Variants in SIMC1 observed in about 807,000 individuals in gnomAD.
SIMC1 encodes SUMO-interacting motif-containing protein 1.
A neutral mutation model predicts 82.3 loss-of-function variants in SIMC1; 55 were observed. That is an observed-to-expected ratio of 0.67 (90% CI 0.54 to 0.84). SIMC1 has a LOEUF of 0.84. SIMC1 is among the 40% of genes least tolerant of loss of function. The pLI is 0.00. For synonymous variants in SIMC1, 353 were observed against 426.3 expected (o/e 0.83, Z 2.12); for missense variants, 915 against 1,107.2 (o/e 0.83, Z 2.46).
chr5:176,304,793 C>G (rs1238718793), intron 4 of SIMC1, among the ~76,000 whole-genome samples: 1 of 151,604 alleles, frequency 6.6e-6, no homozygotes, highest in Non-Finnish European at 1.5e-5. Context: ...GCGTCTCTGC[C>G]CGGCTGCCCA....
chr5:176,317,837 T>TA (rs1363723556), intron 5 of SIMC1, among the ~76,000 whole-genome samples: 2 of 152,184 alleles, frequency 1.3e-5, no homozygotes, highest in African/African-American at 4.8e-5. Context: ...GGAGGGTGTC[T>TA]AGGTTCTTGG....
intron 4 of SIMC1, among the ~76,000 whole-genome samples, chr5:176,296,957 G>A (rs1156561818): frequency 2.0e-5 from 3 of 152,204 alleles, no homozygotes; most frequent in African/African-American, 7.2e-5. Flanking sequence ...CTGATGAGCC[G>A]GGCAGAGAAA....
intron 1 of SIMC1, among the ~76,000 whole-genome samples, chr5:176,275,929 TTC>T (rs1433484732): frequency 6.6e-6 from 1 of 151,596 alleles, no homozygotes; most frequent in Non-Finnish European, 1.5e-5. Context: ...TGGTCTAAAA[TTC>T]TCTTTTTTGG....
rs186093756 is a variant in SIMC1 at position 176,285,482 on chromosome 5, G to C, written c.130-4172G>C. The stretch of plus-strand genomic sequence containing the variant: ...TCAATAAATTAGTTATTGATGGGAC[G>C]TATCTCAAAATAATAAGAGCTGTTT... On this transcript the variant is annotated intron_variant, in intron 1 of 9. Coordinates refer to ENST00000429602, the MANE Select transcript of SIMC1 (RefSeq NM_001308195.2). 4.0e-3 allele frequency among the ~76,000 whole-genome samples: 613 copies of C among 152,214 alleles called. 9 individuals carry two copies. The highest frequency in any genetic ancestry group is 0.014 in the African/African-American group (568 of 41,544).
intron 9 of SIMC1, among the ~76,000 whole-genome samples, chr5:176,338,293 T>C (rs143510829): frequency 1.7e-4 from 26 of 152,226 alleles, no homozygotes; most frequent in African/African-American, 5.3e-4. Flanking sequence ...AAATACTACA[T>C]ACAAGGCATG....
chr5:176,324,342 G>T (rs946858569), intron 6 of SIMC1, among the ~76,000 whole-genome samples: 1 of 152,108 alleles, frequency 6.6e-6, no homozygotes, highest in Non-Finnish European at 1.5e-5. Flanking sequence ...TATCCTTAAG[G>T]TTGTGTGGTT....
intron 1 of SIMC1, among the ~76,000 whole-genome samples, chr5:176,260,657 A>T (rs993462910): frequency 3.3e-4 from 50 of 152,240 alleles, no homozygotes; most frequent in African/African-American, 1.1e-3. Flanking sequence ...TGGAATTTTG[A>T]GGATAAAGAG....
chr5:176,265,789 T>C (rs546371355), intron 1 of SIMC1, among the ~76,000 whole-genome samples: 41 of 151,882 alleles, frequency 2.7e-4, no homozygotes, highest in African/African-American at 9.4e-4. Context: ...TTAGGGAGAG[T>C]ATGAGAGAAC....
intron 4 of SIMC1, among the ~76,000 whole-genome samples, chr5:176,311,808 A>G (rs1764676029): frequency 6.6e-6 from 1 of 152,378 alleles, no homozygotes; most frequent in Non-Finnish European, 1.5e-5. Flanking sequence ...CTATGTAGTT[A>G]TAACATTTAG....
intron 1 of SIMC1, among the ~76,000 whole-genome samples, chr5:176,288,561 T>G (rs996397999): frequency 6.6e-6 from 1 of 152,216 alleles, no homozygotes; most frequent in Non-Finnish European, 1.5e-5. Flanking sequence ...GTTCTTGCCA[T>G]TGAGAGCCAA....
chr5:176,277,802 A>C (rs1409171707), intron 1 of SIMC1, among the ~76,000 whole-genome samples: 2 of 151,534 alleles, frequency 1.3e-5, no homozygotes, highest in African/African-American at 2.4e-5. Context: ...TGTTCCATTG[A>C]TCTATATCTC....
intron 1 of SIMC1, among the ~76,000 whole-genome samples, chr5:176,287,714 GAAAA>G (rs959529194): frequency 3.5e-5 from 5 of 144,158 alleles, no homozygotes; most frequent in South Asian, 4.3e-4. Context: ...AATAAAAAAA[GAAAA>G]AAAAAATCCT....
chr5:176,259,431 CAG>C (rs1360705327), intron 1 of SIMC1, among the ~76,000 whole-genome samples: 2 of 150,518 alleles, frequency 1.3e-5, no homozygotes, highest in Non-Finnish European at 2.9e-5. Context: ...GCCTGGGTGA[CAG>C]AGCGAGACTC....
intron 1 of SIMC1, among the ~76,000 whole-genome samples, chr5:176,276,165 G>A (rs931421686): frequency 4.3e-4 from 65 of 151,764 alleles, no homozygotes; most frequent in Non-Finnish European, 6.2e-4. Flanking sequence ...CTATTGGTCT[G>A]TTCAGAGATT....
intron 1 of SIMC1, among the ~76,000 whole-genome samples, chr5:176,286,509 T>C (rs1297901276): frequency 6.6e-6 from 1 of 152,178 alleles, no homozygotes; most frequent in African/African-American, 2.4e-5. Flanking sequence ...AAGACTTAAA[T>C]GTTAGATCTA....
intron 1 of SIMC1, among the ~76,000 whole-genome samples, chr5:176,274,027 G>A (rs1267227735): frequency 6.7e-6 from 1 of 148,954 alleles, no homozygotes; most frequent in Non-Finnish European, 1.5e-5. Context: ...CCCAGTAATG[G>A]GATGGCTGGG....
chr5:176,244,693 T>A (rs2113100764), intron 1 of SIMC1, among the ~76,000 whole-genome samples: 1 of 151,404 alleles, frequency 6.6e-6, no homozygotes, highest in African/African-American at 2.4e-5. Context: ...TCTGTTGCAG[T>A]GTTATAATGT....
chr5:176,246,410 GTGTGTGTGTGTGT>G (rs1761445929), intron 1 of SIMC1, among the ~76,000 whole-genome samples: 1 of 97,694 alleles, frequency 1.0e-5, no homozygotes, highest in Non-Finnish European at 2.1e-5. Context: ...GTTCAGGGGT[GTGTGTGTGTGTGT>G]GTGTGTGTGT....
chr5:176,275,546 G>C (rs1762647959), intron 1 of SIMC1, among the ~76,000 whole-genome samples: 3 of 151,768 alleles, frequency 2.0e-5, no homozygotes. Context: ...TCCCTGTCTT[G>C]TGCCAGTTTT....
Sources: allele counts gnomAD v4.1 joint callset (sites outside exome capture counted in the v4.1 genomes callset), GRCh38; gene constraint gnomAD v4.1.1; transcripts MANE v1.5; gene names NCBI Gene and HGNC (gene_info 2026-07-23, HGNC 2026-07-21).